Variants in POSTN observed in about 807,000 individuals in gnomAD.
The protein encoded by POSTN is osteoblast specific factor 2 (fasciclin I-like).
POSTN carries 71 observed loss-of-function variants against 104.5 expected under a neutral mutation model. That is an observed-to-expected ratio of 0.68 (90% CI 0.56 to 0.83). The LOEUF is 0.83. Among genes scored for constraint, POSTN ranks in the 40% least tolerant of loss-of-function variants. The pLI, the probability that POSTN is intolerant of heterozygous loss-of-function variation, is 0.00. For synonymous variants in POSTN, 355 were observed against 340.7 expected (o/e 1.04, Z -0.46); for missense variants, 949 against 1,006.8 (o/e 0.94, Z 0.78).
At position 37,574,600 on chromosome 13, in the gene POSTN, G is replaced by A. The variant is rs1343741135; in HGVS notation, c.2061C>T (p.Gly687=). 2.5e-6 allele frequency: 4 copies of A among 1,598,008 alleles called. No homozygotes were observed. The highest frequency in any genetic ancestry group is 1.4e-5 in the African/African-American group (1 of 73,846). The change falls in exon 17 of 23, where the codon GGC becomes GGT. Residue 687 remains glycine (G), a synonymous_variant. Coordinates refer to ENST00000379747, the MANE Select transcript of POSTN (RefSeq NM_006475.3). ...CAGTTTTGATAATAGGCTGAAGACT[G>A]CCTTCAATCACTTTAATTTTTGGTT... ...VVEPKIKVIE[G]SLQPIIKTEG...
chr13:37,585,946 A>T (rs889614701), intron 7 of POSTN, among the ~76,000 whole-genome samples, 193 bp downstream of exon 7: 13 of 152,228 alleles, frequency 8.5e-5, no homozygotes, highest in African/African-American at 2.9e-4. Context: ...TGATCTTGAG[A>T]GTATTCTTAT....
rs1950692861 is a variant in POSTN, at chr13:37,584,664, G to A, written c.1108+52C>T. 6 of 1,418,196 alleles carry A rather than the reference G, an allele frequency of 4.2e-6. No homozygotes were observed. In the East Asian group the frequency reaches 1.2e-4, roughly 27 times the overall value. The allele number at this position is 1,418,196 out of a possible 1,614,324, so 87.9% of individuals were successfully genotyped here. A position where few individuals can be genotyped will look rare whatever the true frequency, so the allele number is the denominator to read the frequency against. ...CTTACTCTTTGAGACAGCATAATTA[G>A]TAAATTACAGTAAGTAAAAAAACAA... On this transcript the variant is annotated intron_variant, in intron 8 of 22. Coordinates refer to ENST00000379747, the MANE Select transcript of POSTN (RefSeq NM_006475.3).
chr13:37,591,397 C>G (rs1049419968), intron 3 of POSTN, among the ~76,000 whole-genome samples: 1 of 152,158 alleles, frequency 6.6e-6, no homozygotes. Flanking sequence ...GTCCCCAAAT[C>G]AGGTACTTAT....
In POSTN at chr13:37,590,488, C is replaced by G; in HGVS notation, c.325G>C (p.Gly109Arg). The change falls in exon 4 of 23, where the codon GGA (glycine) becomes CGA (arginine). Residue 109 changes from glycine to arginine, a missense_variant. Transcript: ENST00000379747. Reference protein sequence around the residue: ...DHVYGTLGIVGATTTQRYSDA... With the variant: ...DHVYGTLGIVRATTTQRYSDA... The stretch of plus-strand genomic sequence containing the variant: ...GAATAGCGCTGCGTTGTGGTGGCTC[C>G]CACGATGCCCAGAGTGCCATAAACA... The G allele has an allele frequency of 6.2e-7, 1 of 1,612,894 alleles. No individual in the cohort carries two copies. The highest frequency in any genetic ancestry group is 1.3e-5 in the African/African-American group (1 of 74,980).
At chr13:37,582,238 G>C (rs1950612956) in intron 10 of POSTN, 128 bp downstream of exon 10, 1 of 1,093,954 alleles carries the variant, frequency 9.1e-7, no homozygotes, top group East Asian at 2.5e-5. Flanking sequence ...AAGCTACCCA[G>C]TTCCCTGATG....
intron 7 of POSTN, among the ~76,000 whole-genome samples, chr13:37,585,257 C>A (rs1248326430): frequency 6.6e-6 from 1 of 152,092 alleles, no homozygotes; most frequent in Non-Finnish European, 1.5e-5. Context: ...TTCAGAGGAA[C>A]TTTGACTGGC....
At chr13:37,579,836 A>C in intron 12 of POSTN, 25 bp downstream of exon 12, 15 of 1,601,370 alleles carry the variant, frequency 9.4e-6, no homozygotes, top group Non-Finnish European at 1.3e-5. Context: ...GAAAGGGAAA[A>C]TATCTGGAAT....
Position 37,584,736 on chromosome 13 carries a change from T to C in POSTN, c.1088A>G (p.Gln363Arg). ...CTTACCAGAATCAGGAATTAGGACC[T>C]GATCAATCAAATGGATCACACCATT... Reference protein sequence around the residue: ...TNNGVIHLIDQVLIPDSAKQV... With the variant: ...TNNGVIHLIDRVLIPDSAKQV... Residue 363 changes from glutamine (Q) to arginine (R), a missense_variant, in exon 8 of 23, where the codon CAG (glutamine) becomes CGG (arginine). Transcript: ENST00000379747. 6.2e-7 allele frequency: 1 copy of C among 1,613,774 alleles called. No homozygotes were observed. Among genetic ancestry groups the C allele is most frequent in the South Asian group, 1.1e-5 (1 of 91,076 alleles).
rs769491947 is a variant in POSTN, at chr13:37,580,702, G to C, written c.1393-5C>G. ...TGAATTTTCAATGCAGACAGCCTAG[G>C]AAAGGAAAGAAAGGTATGGGGTGTC... On this transcript the variant is annotated splice_polypyrimidine_tract_variant and splice_region_variant and intron_variant, in intron 10 of 22. Coordinates refer to ENST00000379747, the MANE Select transcript of POSTN (RefSeq NM_006475.3). 6.2e-7 allele frequency: 1 copy of C among 1,613,906 alleles called. No homozygotes were observed. Among genetic ancestry groups the C allele is most frequent in the Non-Finnish European group, 8.5e-7 (1 of 1,179,868 alleles).
At position 37,569,286 on chromosome 13, in the gene POSTN, G is replaced by T; in HGVS notation, c.2431+14C>A. On this transcript the variant is annotated intron_variant, in intron 21 of 22. Coordinates refer to ENST00000379747, the MANE Select transcript of POSTN (RefSeq NM_006475.3). ...GAACCTGTTAAGGGGGTTAGTTGTT[G>T]TCCTTTTACTAACCTCCCTGAAGCA... is the stretch of plus-strand genomic sequence containing the variant. The T allele has an allele frequency of 1.3e-6, 2 of 1,593,298 alleles. No homozygotes were observed. The highest frequency in any genetic ancestry group is 1.7e-6 in the Non-Finnish European group (2 of 1,162,002).
chr13:37,580,806 T>TG (rs1950562478), intron 10 of POSTN, 109 bp from the exon 11 acceptor site: 1 of 1,406,780 alleles, frequency 7.1e-7, no homozygotes, highest in East Asian at 2.3e-5. Context: ...AGAGGTTGCC[T>TG]GGTGTCTGAG....
At chr13:37,577,836 G>A (rs1272824205) in intron 15 of POSTN, 38 bp from the exon 16 acceptor site, 23 of 1,610,626 alleles carry the variant, frequency 1.4e-5, no homozygotes, top group Non-Finnish European at 1.9e-5. Context: ...CATGAAAGGT[G>A]ATAGTTGTGT....
intron 17 of POSTN, chr13:37,571,666 C>A: frequency 2.2e-6 from 1 of 456,374 alleles, no homozygotes; most frequent in Admixed American, 4.2e-5. Context: ...TTGTGTGCTA[C>A]TAAAATTACT....
In POSTN at chr13:37,582,391, T is replaced by C; in HGVS notation, c.1367A>G (p.Gln456Arg). The stretch of plus-strand genomic sequence containing the variant: ...TGTACGATATACGAAGACTCTGAGC[T>C]GTTTGCCTCCGATGGTTTCCAGTAT... Reference protein sequence around the residue: ...GQILETIGGKQLRVFVYRTAV... With the variant: ...GQILETIGGKRLRVFVYRTAV... Residue 456 changes from glutamine to arginine, a missense_variant, in exon 10 of 23, where the codon CAG becomes CGG. Physicochemically the swap from Gln to Arg is conservative, Grantham distance 43. Coordinates refer to ENST00000379747, the MANE Select transcript of POSTN (RefSeq NM_006475.3). 6.2e-7 allele frequency: 1 copy of C among 1,613,582 alleles called. No individual in the cohort carries two copies. Among genetic ancestry groups the C allele is most frequent in the Non-Finnish European group, 8.5e-7 (1 of 1,179,836 alleles).
intron 2 of POSTN, among the ~76,000 whole-genome samples, chr13:37,596,533 A>G (rs140261653): frequency 1.2e-3 from 176 of 152,370 alleles, no homozygotes; most frequent in Middle Eastern, 3.4e-3. Flanking sequence ...TCAGTGAAAC[A>G]TATGTTAAAA....
At chr13:37,585,983 CT>C (rs1183299117) in intron 7 of POSTN, among the ~76,000 whole-genome samples, 155 bp downstream of exon 7, 2 of 152,166 alleles carry the variant, frequency 1.3e-5, no homozygotes, top group Non-Finnish European at 2.9e-5. Context: ...TCTGCCTACT[CT>C]TTTAAGGACT....
rs1950264696 is a variant in POSTN, at chr13:37,571,601, T to C, written c.2090-143A>G. The C allele has an allele frequency of 1.1e-5, 6 of 552,134 alleles. No individual in the cohort carries two copies. The Admixed American group carries it at 1.5e-4, about 14-fold the overall frequency. 34.2% of individuals were successfully genotyped at this position (552,134 alleles called of 1,614,324 possible). ...GGCTCTATGAAATCACTTTTAAATATTTCCCATTGTCTTCAAATTAGACAA... is the reference window on the plus strand; with the variant it reads ...GGCTCTATGAAATCACTTTTAAATACTTCCCATTGTCTTCAAATTAGACAA... On this transcript the variant is annotated intron_variant, in intron 17 of 22. Transcript: ENST00000379747.
intron 3 of POSTN, among the ~76,000 whole-genome samples, 186 bp downstream of exon 3, chr13:37,591,914 T>C (rs528696340): frequency 1.3e-5 from 2 of 152,280 alleles, no homozygotes; most frequent in South Asian, 2.1e-4. Context: ...CAGCATCCAG[T>C]GCATGAGAAA....
intron 21 of POSTN, among the ~76,000 whole-genome samples, chr13:37,565,955 A>G (rs980010132): frequency 1.3e-5 from 2 of 152,172 alleles, no homozygotes; most frequent in African/African-American, 4.8e-5. Context: ...ATAGCAGTTA[A>G]TTGTATAACT....
Sources: gnomAD v4.1 joint callset for allele counts (sites outside exome capture counted in the v4.1 genomes callset) on GRCh38, gnomAD v4.1.1 for gene constraint, MANE v1.5 for transcripts, NCBI Gene and HGNC (gene_info 2026-07-23, HGNC 2026-07-21) for gene names.